The following RBPJ variants were observed in gnomAD, a reference collection of about 807,000 sequenced individuals.
The protein encoded by RBPJ is recombining binding protein suppressor of hairless.
In RBPJ, 9 loss-of-function variants were observed where a neutral mutation model predicts 67.8. The ratio of observed to expected loss-of-function variants is 0.13; its 90% CI spans 0.08 to 0.23. RBPJ has a LOEUF of 0.23. Ranked by LOEUF, RBPJ falls within the 10% of genes least tolerant of loss-of-function variation. RBPJ has a pLI of 1.00. For missense variants in RBPJ, 305 were observed against 595.6 expected (o/e 0.51, Z 5.08); for synonymous variants, 198 against 203.3 (o/e 0.97, Z 0.22).
At chr4:26,285,549 GA>G (rs936772193) in intron 1 of RBPJ, among the ~76,000 whole-genome samples, 17 of 151,516 alleles carry the variant, frequency 1.1e-4, no homozygotes, top group African/African-American at 3.9e-4. Flanking sequence ...ATTACAGTTT[GA>G]AAAAAATAGA....
chr4:26,225,604 T>C (rs764428926), intron 1 of RBPJ, among the ~76,000 whole-genome samples: 56 of 152,262 alleles, frequency 3.7e-4, no homozygotes, highest in Non-Finnish European at 6.3e-4. Context: ...CTATGGACTT[T>C]AGTTAATAAT....
At chr4:26,315,168 AT>A (rs372107899), upstream of RBPJ, among the ~76,000 whole-genome samples, 2,970 of 74,430 alleles carry the variant, frequency 0.04, 123 homozygotes, top group African/African-American at 0.1. Context: ...AAAAAAAAAA[AT>A]ATATATATAT....
At chr4:26,357,611 A>G (rs1029805468) in intron 1 of RBPJ, among the ~76,000 whole-genome samples, 1 of 152,214 alleles carries the variant, frequency 6.6e-6, no homozygotes, top group Non-Finnish European at 1.5e-5. Context: ...ACAATTTTAA[A>G]TTGTACAGTT....
At chr4:26,306,962 TTAAA>T (rs1230793248) in intron 1 of RBPJ, among the ~76,000 whole-genome samples, 5 of 152,110 alleles carry the variant, frequency 3.3e-5, no homozygotes, top group East Asian at 1.9e-4. Context: ...TTTTGTAACT[TTAAA>T]TAGTTTATTA....
intron 1 of RBPJ, among the ~76,000 whole-genome samples, chr4:26,378,953 G>A (rs911288867): frequency 6.6e-6 from 1 of 152,106 alleles, no homozygotes; most frequent in Non-Finnish European, 1.5e-5. Context: ...TTGAACCCAG[G>A]AGGCGGAGGT....
chr4:26,384,094 C>T (rs956728293), intron 1 of RBPJ: 1 of 152,088 alleles, frequency 6.6e-6, no homozygotes, highest in Non-Finnish European at 1.5e-5. Flanking sequence ...ACAATCCACC[C>T]ACCTTGGGCT....
At chr4:26,295,042 T>C (rs1721818483) in intron 1 of RBPJ, among the ~76,000 whole-genome samples, 2 of 152,162 alleles carry the variant, frequency 1.3e-5, no homozygotes, top group South Asian at 4.1e-4. Flanking sequence ...TTAGGAATGA[T>C]CCCTTCTGGA....
intron 1 of RBPJ, among the ~76,000 whole-genome samples, chr4:26,199,522 T>C (rs1356347587): frequency 6.6e-6 from 1 of 152,190 alleles, no homozygotes; most frequent in Non-Finnish European, 1.5e-5. Context: ...AACGCCTCTG[T>C]GGGGCAATTC....
At chr4:26,238,713 A>G (rs978420035) in intron 1 of RBPJ, among the ~76,000 whole-genome samples, 24 of 152,146 alleles carry the variant, frequency 1.6e-4, no homozygotes, top group African/African-American at 5.8e-4. Flanking sequence ...GCAGTTGGAG[A>G]CAAGTGGGTG....
At chr4:26,149,615 C>T in the RBPJ span, among the ~76,000 whole-genome samples, 1 of 149,584 alleles carries the variant, frequency 6.7e-6, no homozygotes, top group African/African-American at 2.5e-5. Flanking sequence ...GTGAGCTCAG[C>T]TCTCTCTCTC....
chr4:26,319,681 G>C (rs896342629), upstream of RBPJ: 4 of 666,414 alleles, frequency 6.0e-6, no homozygotes, highest in African/African-American at 1.8e-5. Flanking sequence ...CGGTGGGAAG[G>C]AGGTGTAGCG....
intron 1 of RBPJ, among the ~76,000 whole-genome samples, chr4:26,235,652 T>C (rs1014507776): frequency 1.3e-5 from 2 of 152,208 alleles, no homozygotes; most frequent in Non-Finnish European, 2.9e-5. Flanking sequence ...CTCCAGGCTC[T>C]CATGATGCCC....
intron 1 of RBPJ, among the ~76,000 whole-genome samples, chr4:26,164,858 T>G (rs376277549): frequency 1.4e-3 from 209 of 152,262 alleles, no homozygotes; most frequent in African/African-American, 4.3e-3. Context: ...TGTGGGGTTT[T>G]GTAGACCACC....
chr4:26,111,907 A>G, the RBPJ span: 7 of 212,936 alleles, frequency 3.3e-5, no homozygotes, highest in South Asian at 2.7e-4. Context: ...GGATGTATGC[A>G]TAGACTTTAC....
At chr4:26,109,471 T>C in the RBPJ span, among the ~76,000 whole-genome samples, 2 of 39,872 alleles carry the variant, frequency 5.0e-5, no homozygotes, top group Admixed American at 2.3e-4. Flanking sequence ...TATATATATA[T>C]ATATATATAT....
chr4:26,425,462 A>C (rs536872925), intron 7 of RBPJ, among the ~76,000 whole-genome samples: 71 of 144,392 alleles, frequency 4.9e-4, no homozygotes, highest in Non-Finnish European at 8.1e-4. Context: ...CGCCCCCCCA[A>C]AAAAAAAATT....
chr4:26,158,810 T>C (rs1560191637), upstream of RBPJ, among the ~76,000 whole-genome samples: 1 of 152,246 alleles, frequency 6.6e-6, no homozygotes, highest in East Asian at 1.9e-4. Flanking sequence ...GATTCTTCAC[T>C]ACTTGCCTAA....
chr4:26,193,301 A>G (rs1041736415), intron 1 of RBPJ, among the ~76,000 whole-genome samples: 3 of 152,250 alleles, frequency 2.0e-5, no homozygotes, highest in African/African-American at 7.2e-5. Context: ...AGCTGATCAC[A>G]GCAACAGGTT....
intron 1 of RBPJ, among the ~76,000 whole-genome samples, chr4:26,214,604 GA>G (rs1718570110): frequency 8.1e-6 from 1 of 123,034 alleles, no homozygotes; most frequent in African/African-American, 3.4e-5. Context: ...GGAGGAAACA[GA>G]GAGAGAATGA....
Sources: gnomAD v4.1 joint callset for allele counts (sites outside exome capture counted in the v4.1 genomes callset) on GRCh38, gnomAD v4.1.1 for gene constraint, MANE v1.5 for transcripts, NCBI Gene and HGNC (gene_info 2026-07-23, HGNC 2026-07-21) for gene names.